The following MBP variants were observed in gnomAD, a reference collection of about 807,000 sequenced individuals.
MBP encodes the protein myelin basic protein.
Under a neutral mutation model 35.8 loss-of-function variants are expected in MBP, and 16 were observed. That is an observed-to-expected ratio of 0.45 (90% CI 0.30 to 0.68). MBP has a LOEUF of 0.68. Among genes scored for constraint, MBP ranks in the 30% least tolerant of loss-of-function variants. MBP has a pLI of 0.08. For synonymous variants in MBP, 143 were observed against 159.6 expected, an observed-to-expected ratio of 0.90 and a Z score of 0.78; for missense variants, 380 against 404.7, an observed-to-expected ratio of 0.94 and a Z score of 0.52.
At chr18:76,997,301 G>A (rs1970324971) in intron 4 of MBP, among the ~76,000 whole-genome samples, 1 of 152,226 alleles carries the variant, frequency 6.6e-6, no homozygotes, top group Admixed American at 6.5e-5. Flanking sequence ...CTTGTGAAAA[G>A]AGCTTGCTGC....
At position 77,017,073 on chromosome 18, in the gene MBP, G is replaced by C. The variant is rs369755195; in HGVS notation, c.335C>G (p.Ser112Cys). The C allele has an allele frequency of 2.5e-6, 4 of 1,611,992 alleles. No homozygotes were observed. Among genetic ancestry groups the C allele is most frequent in the African/African-American group, 1.3e-5 (1 of 74,860 alleles). ...REDNTFKDRP[S>C]ESDELQTIQE... ...GATGGTCTGGAGCTCGTCGGACTCA[G>C]AGGGCCTGTCTTTGAAGGTGTTGTC... The change falls in exon 4 of 9, where the codon TCT becomes TGT. Residue 112 changes from serine (S) to cysteine (C), a missense_variant. Transcript: ENST00000355994.
At position 76,984,363 on chromosome 18, in the gene MBP, AG is replaced by A. The variant is rs1317926353; in HGVS notation, c.870+411del. ...CGACGGGACACTCCCCACTCCCTGGAGGTCTCCTGGGCATTCCCTCCCGTGG... is the reference window on the plus strand; with the variant it reads ...CGACGGGACACTCCCCACTCCCTGGAGTCTCCTGGGCATTCCCTCCCGTGG... On this transcript the variant is annotated intron_variant, in intron 8 of 8. Coordinates refer to ENST00000355994, the MANE Select transcript of MBP (RefSeq NM_001025101.2). The A allele has an allele frequency of 1.4e-5, 3 of 212,574 alleles. No individual in the cohort carries two copies. The East Asian group carries it at 3.5e-4, about 25-fold the overall frequency. 13.2% of individuals were successfully genotyped at this position (212,574 alleles called of 1,614,324 possible). A position where few individuals can be genotyped will look rare whatever the true frequency, so the allele number is the denominator to read the frequency against.
intron 2 of MBP, among the ~76,000 whole-genome samples, chr18:77,103,820 G>A (rs1174019212): frequency 3.3e-5 from 5 of 152,224 alleles, no homozygotes; most frequent in African/African-American, 1.2e-4. Context: ...AGTGGGAAAA[G>A]GGTCCAGAAC....
At position 77,044,796 on chromosome 18, in the gene MBP, T is replaced by A. The variant is rs1973161590; in HGVS notation, c.139+21502A>T. Among the ~76,000 whole-genome samples, 1 of 152,134 alleles carries A rather than the reference T, an allele frequency of 6.6e-6. No homozygotes were observed. Among genetic ancestry groups the A allele is most frequent in the South Asian group, 2.1e-4 (1 of 4,830 alleles). On this transcript the variant is annotated intron_variant, in intron 3 of 8. Transcript: ENST00000355994. This position sits in a 1 kb window ranked among gnomAD's most constrained non-coding sequence, Gnocchi z 4.4. ...AAGTTGTATCTGTTTTCTTTCCAAATAAATTTACTTGTAGGAAACAGAAAT... is the reference window on the plus strand; with the variant it reads ...AAGTTGTATCTGTTTTCTTTCCAAAAAAATTTACTTGTAGGAAACAGAAAT...
intron 7 of MBP, chr18:76,986,809 C>T (rs890273263): frequency 8.1e-5 from 80 of 985,322 alleles, no homozygotes; most frequent in Non-Finnish European, 8.7e-5. Flanking sequence ...TTTTTGAGAG[C>T]TAAATCCGGG....
At chr18:77,111,986 C>G (rs142657980) in intron 1 of MBP, among the ~76,000 whole-genome samples, 1 of 152,136 alleles carries the variant, frequency 6.6e-6, no homozygotes, top group Non-Finnish European at 1.5e-5. Context: ...CTCTCTCCCC[C>G]GACGTCCCTC....
At chr18:77,013,773 T>C (rs188099016) in intron 4 of MBP, 111 of 985,482 alleles carry the variant, frequency 1.1e-4, no homozygotes, top group Admixed American at 3.7e-4. Flanking sequence ...TGGGATGTCC[T>C]GGCTGCTTTC....
chr18:77,058,341 C>T (rs1036137965), intron 3 of MBP, among the ~76,000 whole-genome samples: 1 of 152,192 alleles, frequency 6.6e-6, no homozygotes, highest in Non-Finnish European at 1.5e-5. Context: ...CCCTGCTCCA[C>T]GCTGCGGGGA....
chr18:77,053,040 C>T (rs1020820416), intron 3 of MBP, among the ~76,000 whole-genome samples: 30 of 152,234 alleles, frequency 2.0e-4, no homozygotes, highest in Admixed American at 1.6e-3. Context: ...TAGTTTCCTG[C>T]TAAATAGAAG....
At chr18:77,040,771 A>G (rs1972958966) in intron 3 of MBP, among the ~76,000 whole-genome samples, 1 of 152,242 alleles carries the variant, frequency 6.6e-6, no homozygotes, top group South Asian at 2.1e-4. Context: ...ACCTTATACA[A>G]AAATTAATTC....
chr18:77,104,032 T>C (rs1175659013), intron 2 of MBP, among the ~76,000 whole-genome samples: 1 of 152,226 alleles, frequency 6.6e-6, no homozygotes, highest in African/African-American at 2.4e-5. Flanking sequence ...AAATGTTCCC[T>C]GACAAGGGTT....
chr18:77,086,969 T>C (rs1184789801), intron 2 of MBP, among the ~76,000 whole-genome samples: 1 of 152,124 alleles, frequency 6.6e-6, no homozygotes, highest in Non-Finnish European at 1.5e-5. Context: ...AGACTAAAAT[T>C]GCCACGGAAG....
At position 76,984,833 on chromosome 18, in the gene MBP, G is replaced by A; in HGVS notation, c.812C>T (p.Ala271Val). ...ATCGACTCCCTTGAATCCCTTGTGAGCCGATTTATAGTCGGACGCTCTGCC... is the reference window on the plus strand; with the variant it reads ...ATCGACTCCCTTGAATCCCTTGTGAACCGATTTATAGTCGGACGCTCTGCC... ...YGGRASDYKSAHKGFKGVDAQ... is the reference protein window; with the variant it reads ...YGGRASDYKSVHKGFKGVDAQ... The change falls in exon 8 of 9, where the codon GCT becomes GTT. Residue 271 changes from alanine (A) to valine (V), a missense_variant. By Grantham distance (64) the Ala-to-Val change is moderately conservative (BLOSUM62 0). Coordinates refer to ENST00000355994, the MANE Select transcript of MBP (RefSeq NM_001025101.2). 1 of 1,614,092 alleles carries A rather than the reference G, an allele frequency of 6.2e-7. No homozygotes were observed. The highest frequency in any genetic ancestry group is 1.1e-5 in the South Asian group (1 of 91,074).
At chr18:77,029,439 G>GGAGGGA (rs1204532415) in intron 3 of MBP, among the ~76,000 whole-genome samples, 4 of 124,440 alleles carry the variant, frequency 3.2e-5, no homozygotes, top group African/African-American at 1.3e-4. Flanking sequence ...AGAGGGAGAG[G>GGAGGGA]GAGGGGGAGG....
intron 3 of MBP, among the ~76,000 whole-genome samples, chr18:77,043,569 G>A (rs192356636): frequency 1.5e-3 from 184 of 125,092 alleles, no homozygotes; most frequent in African/African-American, 5.4e-3. Flanking sequence ...CTCCTGCTGC[G>A]ATCATCCCAG....
intron 1 of MBP, chr18:77,109,660 C>T (rs1976387539): frequency 6.6e-6 from 1 of 152,222 alleles, no homozygotes; most frequent in South Asian, 2.1e-4. Context: ...CTTACTCCCA[C>T]TCCCAAACCT....
chr18:77,106,045 C>T (rs934048977), intron 1 of MBP, among the ~76,000 whole-genome samples: 2 of 152,224 alleles, frequency 1.3e-5, no homozygotes, highest in Non-Finnish European at 2.9e-5. Flanking sequence ...CCACTGGAAC[C>T]ATCAGCCCAG....
chr18:77,049,253 T>C (rs559435660), intron 3 of MBP, among the ~76,000 whole-genome samples: 7 of 152,356 alleles, frequency 4.6e-5, no homozygotes, highest in South Asian at 2.1e-4. Context: ...TGTTCACCGA[T>C]GTACTCCTGC....
chr18:77,017,150 C>A lies in MBP; in HGVS notation c.258G>T (p.Gly86=). 3.2e-6 allele frequency: 5 copies of A among 1,561,760 alleles called. No homozygotes were observed. Among genetic ancestry groups the A allele is most frequent in the Non-Finnish European group, 4.3e-6 (5 of 1,151,916 alleles). Residue 86 remains glycine, a synonymous_variant, in exon 4 of 9, where the codon GGG becomes GGT. Coordinates refer to ENST00000355994, the MANE Select transcript of MBP (RefSeq NM_001025101.2). The stretch of plus-strand genomic sequence containing the variant: ...AGAGGCGGATCAAGTGGGGGCGGCT[C>A]CCTGGGTCAGCTGGGTGGGCATCCT... ...AWQDAHPADP[G]SRPHLIRLFS... is the part of the protein sequence containing the mutation.
Sources: gnomAD v4.1 joint callset for allele counts (sites outside exome capture counted in the v4.1 genomes callset) on GRCh38, gnomAD v4.1.1 for gene constraint, Gnocchi (gnomAD v3.1) non-coding constraint, MANE v1.5 for transcripts, NCBI Gene and HGNC (gene_info 2026-07-23, HGNC 2026-07-21) for gene names.